FCHSD2: variants seen among roughly 807,000 people sequenced by gnomAD.
FCHSD2 encodes the protein FCH and double SH3 domains 2.
In FCHSD2, 38 loss-of-function variants were observed where a neutral mutation model predicts 108.1. The observed-to-expected ratio is 0.35, with a 90% CI of 0.27 to 0.46. FCHSD2 has a LOEUF of 0.46. Among genes scored for constraint, FCHSD2 ranks in the 20% least tolerant of loss-of-function variants. The pLI, the probability that FCHSD2 is intolerant of heterozygous loss-of-function variation, is 1.00. For missense variants in FCHSD2, 751 were observed against 897.8 expected, an observed-to-expected ratio of 0.84 and a Z score of 2.09; for synonymous variants, 279 against 314.7, an observed-to-expected ratio of 0.89 and a Z score of 1.20.
At chr11:72,918,852 G>A (rs1855926370) in intron 9 of FCHSD2, among the ~76,000 whole-genome samples, 1 of 152,064 alleles carries the variant, frequency 6.6e-6, no homozygotes, top group Non-Finnish European at 1.5e-5. Context: ...ATAAAGGCCA[G>A]TAGAGCTACC....
At chr11:73,111,927 C>T (rs1431903604) in intron 2 of FCHSD2, among the ~76,000 whole-genome samples, 2 of 152,098 alleles carry the variant, frequency 1.3e-5, no homozygotes, top group East Asian at 1.9e-4. Flanking sequence ...TTGGTTGTTA[C>T]TATTTATATC....
intron 3 of FCHSD2, among the ~76,000 whole-genome samples, chr11:73,055,871 G>C (rs1859013587): frequency 1.3e-5 from 2 of 152,106 alleles, no homozygotes. Context: ...AGGAGACAAA[G>C]GGGAATTACT....
At chr11:72,875,175 G>T (rs1441441071) in intron 12 of FCHSD2, among the ~76,000 whole-genome samples, 6 of 151,932 alleles carry the variant, frequency 3.9e-5, no homozygotes, top group Non-Finnish European at 7.4e-5. Flanking sequence ...TACTATTTAG[G>T]ACAGTGGTTT....
At chr11:72,890,445 T>C (rs1175123376) in intron 10 of FCHSD2, among the ~76,000 whole-genome samples, 2 of 152,092 alleles carry the variant, frequency 1.3e-5, no homozygotes, top group Admixed American at 6.6e-5. Context: ...ACGGAACTCT[T>C]TAGAGGTCCA....
At chr11:73,005,992 C>T (rs1435028849) in intron 4 of FCHSD2, among the ~76,000 whole-genome samples, 2 of 151,028 alleles carry the variant, frequency 1.3e-5, no homozygotes, top group Non-Finnish European at 2.9e-5. Context: ...ACTACAGCCT[C>T]GAACCCCTGG....
In FCHSD2 at chr11:72,838,887, C is replaced by A; in HGVS notation, c.2140-13G>T. 1 of 1,600,454 alleles carries A rather than the reference C, an allele frequency of 6.2e-7. No homozygotes were observed. On this transcript the variant is annotated splice_polypyrimidine_tract_variant and intron_variant, in intron 19 of 19. Coordinates refer to ENST00000409418, the MANE Select transcript of FCHSD2 (RefSeq NM_014824.3). ...GAGCTGCCCGGACCTGAGCAGGAAA[C>A]AATTACGTAGTTTGTCAGTCAGTTC...
intron 2 of FCHSD2, among the ~76,000 whole-genome samples, chr11:73,135,510 A>G (rs957505858): frequency 6.6e-6 from 1 of 152,238 alleles, no homozygotes; most frequent in African/African-American, 2.4e-5. Context: ...GCACAGGATA[A>G]ACAATCCTAA....
chr11:72,996,546 T>C (rs537265037), intron 5 of FCHSD2, among the ~76,000 whole-genome samples: 5 of 152,286 alleles, frequency 3.3e-5, no homozygotes, highest in African/African-American at 9.6e-5. Flanking sequence ...TTTTGAAAAA[T>C]GTAATAATTC....
chr11:73,073,664 A>G (rs1201083881), intron 3 of FCHSD2, among the ~76,000 whole-genome samples: 1 of 152,246 alleles, frequency 6.6e-6, no homozygotes, highest in East Asian at 1.9e-4. Flanking sequence ...ACAGAGGATA[A>G]CAATATACAT....
chr11:73,090,509 G>C (rs953390768), intron 2 of FCHSD2, among the ~76,000 whole-genome samples: 4 of 152,138 alleles, frequency 2.6e-5, no homozygotes, highest in African/African-American at 7.2e-5. Context: ...ACAGGCGTGA[G>C]CCACCGCGCG....
At chr11:72,880,378 C>T (rs997603300) in intron 12 of FCHSD2, among the ~76,000 whole-genome samples, 4 of 152,036 alleles carry the variant, frequency 2.6e-5, no homozygotes, top group Admixed American at 2.6e-4. Flanking sequence ...GTAACCAAAA[C>T]AGCATGGTAT....
At chr11:72,876,336 G>T (rs1244759608) in intron 12 of FCHSD2, among the ~76,000 whole-genome samples, 1 of 151,964 alleles carries the variant, frequency 6.6e-6, no homozygotes, top group Non-Finnish European at 1.5e-5. Context: ...GAAAATAAAA[G>T]AATAAAAGGA....
At chr11:73,043,789 T>C (rs1248392169) in intron 3 of FCHSD2, among the ~76,000 whole-genome samples, 1 of 152,042 alleles carries the variant, frequency 6.6e-6, no homozygotes, top group African/African-American at 2.4e-5. Context: ...ACGTACCATC[T>C]TTTTTTTCCT....
intron 2 of FCHSD2, among the ~76,000 whole-genome samples, chr11:73,137,044 AC>A (rs942468326): frequency 7.9e-5 from 12 of 152,296 alleles, no homozygotes; most frequent in East Asian, 1.9e-4. Flanking sequence ...AAACAAAAAA[AC>A]ATCCAAGTTC....
In FCHSD2 at chr11:72,962,803, A is replaced by AT. The variant is rs914947864; in HGVS notation, c.705+21284dup. On this transcript the variant is annotated intron_variant, in intron 8 of 19. Coordinates refer to ENST00000409418, the MANE Select transcript of FCHSD2 (RefSeq NM_014824.3). ...AAATGATATCACAAAGGTCCCTCCT[A>AT]TTTTTTTTAAGCAATTAGAGTCAAT... Among the ~76,000 whole-genome samples, 6 of 152,026 alleles carry AT rather than the reference A, an allele frequency of 3.9e-5. No homozygotes were observed. In the South Asian group the frequency reaches 1.0e-3, roughly 26 times the overall value.
At chr11:73,033,029 C>A (rs1016248625) in intron 3 of FCHSD2, among the ~76,000 whole-genome samples, 1 of 152,042 alleles carries the variant, frequency 6.6e-6, no homozygotes, top group Non-Finnish European at 1.5e-5. Context: ...TGGCTCACAC[C>A]TGTAATCCCA....
chr11:73,139,130 T>C (rs1394587469), intron 2 of FCHSD2, among the ~76,000 whole-genome samples: 1 of 152,232 alleles, frequency 6.6e-6, no homozygotes, highest in Non-Finnish European at 1.5e-5. Flanking sequence ...AAGGAAATTC[T>C]TGAAACTAAA....
intron 2 of FCHSD2, among the ~76,000 whole-genome samples, chr11:73,110,632 GT>G (rs1008573731): frequency 1.3e-5 from 2 of 151,792 alleles, no homozygotes; most frequent in African/African-American, 2.4e-5. Flanking sequence ...TTTTCATTTT[GT>G]TGGTCTTTTG....
intron 3 of FCHSD2, among the ~76,000 whole-genome samples, chr11:73,054,335 A>G (rs1204297207): frequency 6.6e-6 from 1 of 152,148 alleles, no homozygotes; most frequent in Non-Finnish European, 1.5e-5. Flanking sequence ...AGGACTGCCC[A>G]GACCCTTAAA....
Sources: gnomAD v4.1 joint callset for allele counts (sites outside exome capture counted in the v4.1 genomes callset) on GRCh38, gnomAD v4.1.1 for gene constraint, MANE v1.5 for transcripts, NCBI Gene and HGNC (gene_info 2026-07-23, HGNC 2026-07-21) for gene names.